Variants in CDH8 observed in about 807,000 individuals in gnomAD.
The protein encoded by CDH8 is cadherin-8.
A neutral mutation model predicts 68.1 loss-of-function variants in CDH8; 17 were observed. The observed-to-expected ratio is 0.25, with a 90% CI of 0.17 to 0.37. The LOEUF (loss-of-function observed/expected upper bound fraction) is 0.37. Among genes scored for constraint, CDH8 ranks in the 10% least tolerant of loss-of-function variants. CDH8 has a pLI of 1.00. For synonymous variants in CDH8, 372 were observed against 365.1 expected, an observed-to-expected ratio of 1.02 and a Z score of -0.21; for missense variants, 763 against 999.3, an observed-to-expected ratio of 0.76 and a Z score of 3.19.
intron 4 of CDH8, among the ~76,000 whole-genome samples, chr16:61,838,547 G>A (rs1962616024): frequency 6.6e-6 from 1 of 152,028 alleles, no homozygotes; most frequent in South Asian, 2.1e-4. Context: ...GTTGCTCATG[G>A]TAATTACAGA....
chr16:62,014,025 C>T (rs1901879829), intron 2 of CDH8, among the ~76,000 whole-genome samples: 1 of 152,138 alleles, frequency 6.6e-6, no homozygotes, highest in South Asian at 2.1e-4. Context: ...TGATTATCCA[C>T]TCTCTCTCAC....
chr16:61,729,941 G>A (rs933985837), intron 8 of CDH8, among the ~76,000 whole-genome samples: 1 of 151,274 alleles, frequency 6.6e-6, no homozygotes, highest in African/African-American at 2.4e-5. Flanking sequence ...AGTCAACTAT[G>A]TATGATATTA....
chr16:61,796,505 T>A (rs1414876812), intron 7 of CDH8, among the ~76,000 whole-genome samples: 1 of 152,054 alleles, frequency 6.6e-6, no homozygotes, highest in East Asian at 1.9e-4. Context: ...CACATTAATA[T>A]CAATTCTAAT....
rs530303173 is a variant in CDH8, at chr16:62,007,356, A to G, written c.252+13796T>C. Among the ~76,000 whole-genome samples the G allele has an allele frequency of 3.3e-4, 50 of 152,336 alleles. No homozygotes were observed. In the South Asian group the frequency reaches 6.0e-3, roughly 18 times the overall value. ...CAATTTTGTTTAAAGACTAATTATT[A>G]AATTATTATGTTTCACATCTGATTT... On this transcript the variant is annotated intron_variant, in intron 2 of 11. Transcript: ENST00000577390.
intron 7 of CDH8, among the ~76,000 whole-genome samples, chr16:61,792,210 C>T (rs1228704344): frequency 1.3e-5 from 2 of 151,876 alleles, no homozygotes; most frequent in Non-Finnish European, 2.9e-5. Flanking sequence ...TCATGACAGA[C>T]TTTATGGGGT....
intron 3 of CDH8, among the ~76,000 whole-genome samples, chr16:61,896,084 T>A (rs1963864723): frequency 1.3e-5 from 2 of 151,796 alleles, no homozygotes; most frequent in Admixed American, 1.3e-4. Flanking sequence ...ACAAAAACAA[T>A]CCAAATATAT....
At chr16:61,887,090 T>C (rs1311788471) in intron 3 of CDH8, among the ~76,000 whole-genome samples, 1 of 152,172 alleles carries the variant, frequency 6.6e-6, no homozygotes, top group African/African-American at 2.4e-5. Context: ...ACAATAGGAA[T>C]AAGTAGGTAA....
chr16:61,670,087 C>T (rs533347051), intron 10 of CDH8, among the ~76,000 whole-genome samples: 1 of 152,156 alleles, frequency 6.6e-6, no homozygotes, highest in East Asian at 1.9e-4. Flanking sequence ...CTCCTACAAT[C>T]TCTTTCTTGG....
At chr16:61,663,450 AAT>A (rs1439116404) in intron 10 of CDH8, among the ~76,000 whole-genome samples, 1 of 152,032 alleles carries the variant, frequency 6.6e-6, no homozygotes, top group Non-Finnish European at 1.5e-5. Context: ...TTTAGAAAAA[AAT>A]AGATACTGTT....
At chr16:61,941,016 T>G (rs1309834358) in intron 2 of CDH8, among the ~76,000 whole-genome samples, 1 of 152,238 alleles carries the variant, frequency 6.6e-6, no homozygotes. Context: ...CATATTAATC[T>G]TGTAGCATTT....
At chr16:61,726,756 C>A in intron 9 of CDH8, 1 of 365,146 alleles carries the variant, frequency 2.7e-6, no homozygotes. Flanking sequence ...GAGGTTTTAC[C>A]TTGCTTCTTG....
intron 2 of CDH8, among the ~76,000 whole-genome samples, chr16:61,964,316 G>T (rs1965209757): frequency 2.6e-5 from 4 of 152,196 alleles, no homozygotes. Context: ...TAACCTGGCA[G>T]TTCAGGGCAC....
chr16:61,843,677 T>G (rs1028351936), intron 4 of CDH8, among the ~76,000 whole-genome samples: 1 of 152,174 alleles, frequency 6.6e-6, no homozygotes, highest in Non-Finnish European at 1.5e-5. Context: ...TTGTTTGTTT[T>G]TTAAAAAAAG....
intron 8 of CDH8, among the ~76,000 whole-genome samples, chr16:61,777,410 A>G (rs141995510): frequency 3.3e-5 from 5 of 152,258 alleles, no homozygotes; most frequent in Admixed American, 6.5e-5. Flanking sequence ...AGTAAGAGTT[A>G]TTGTTACAGC....
chr16:61,673,249 G>A lies in CDH8; in HGVS notation c.1655-17528C>T, dbSNP rs948037682. On this transcript the variant is annotated intron_variant, in intron 10 of 11. Coordinates refer to ENST00000577390, the MANE Select transcript of CDH8 (RefSeq NM_001796.5). ...ATTTCTATCTTTTTATTTTTGTATT[G>A]AGGCCTCTCCTTTTCTTCCTCACAG... is the stretch of plus-strand genomic sequence containing the variant. Among the ~76,000 whole-genome samples, 5 of 152,000 alleles carry A rather than the reference G, an allele frequency of 3.3e-5. No homozygotes were observed. The East Asian group carries it at 9.7e-4, about 30-fold the overall frequency.
chr16:61,896,369 A>G (rs143196577), intron 3 of CDH8, among the ~76,000 whole-genome samples: 1 of 152,336 alleles, frequency 6.6e-6, no homozygotes, highest in East Asian at 1.9e-4. Context: ...ATTCATTTCA[A>G]TTTAATATTG....
intron 2 of CDH8, among the ~76,000 whole-genome samples, chr16:62,007,414 C>T (rs1387058308): frequency 1.3e-5 from 2 of 152,096 alleles, no homozygotes; most frequent in African/African-American, 4.8e-5. Context: ...CCTTCTAGTG[C>T]CAATTCCTAG....
chr16:61,949,652 T>C (rs1964858039), intron 2 of CDH8, among the ~76,000 whole-genome samples: 1 of 151,900 alleles, frequency 6.6e-6, no homozygotes, highest in South Asian at 2.1e-4. Context: ...TGACATCTAT[T>C]AATACCTTAT....
At chr16:61,824,704 T>A (rs1962290527) in intron 5 of CDH8, among the ~76,000 whole-genome samples, 1 of 151,888 alleles carries the variant, frequency 6.6e-6, no homozygotes, top group Non-Finnish European at 1.5e-5. Flanking sequence ...CTGAGCTTCA[T>A]TTGCATCACC....
Sources: allele counts gnomAD v4.1 joint callset (sites outside exome capture counted in the v4.1 genomes callset), GRCh38; gene constraint gnomAD v4.1.1; transcripts MANE v1.5; gene names NCBI Gene and HGNC (gene_info 2026-07-23, HGNC 2026-07-21).